Variants in SYT1 observed in about 807,000 individuals in gnomAD.
The protein encoded by SYT1 is synaptotagmin 1.
SYT1 carries 8 observed loss-of-function variants against 44.8 expected under a neutral mutation model. That is an observed-to-expected ratio of 0.18 (90% CI 0.10 to 0.32). The LOEUF (loss-of-function observed/expected upper bound fraction) is 0.32. SYT1 is among the 10% of genes least tolerant of loss of function. SYT1 has a pLI of 1.00. For missense variants in SYT1, 286 were observed against 509.3 expected (o/e 0.56, Z 4.22); for synonymous variants, 154 against 188.8 (o/e 0.82, Z 1.51).
intron 9 of SYT1, among the ~76,000 whole-genome samples, chr12:79,404,517 A>G (rs1885177286): frequency 6.6e-6 from 1 of 152,152 alleles, no homozygotes; most frequent in Non-Finnish European, 1.5e-5. Context: ...GTCTTGCTGG[A>G]TGGTCAGATC....
chr12:79,081,862 T>C (rs1877058293), intron 3 of SYT1, among the ~76,000 whole-genome samples: 1 of 152,200 alleles, frequency 6.6e-6, no homozygotes, highest in Non-Finnish European at 1.5e-5. Flanking sequence ...CAGGAGCTTC[T>C]AAGAGCACAA....
At chr12:79,229,299 C>G (rs1251220417) in intron 4 of SYT1, among the ~76,000 whole-genome samples, 7 of 152,198 alleles carry the variant, frequency 4.6e-5, no homozygotes, top group Non-Finnish European at 1.0e-4. Context: ...TTAAAGCAAA[C>G]AGTGCGGTTC....
At chr12:79,052,018 T>C (rs1013231300) in intron 3 of SYT1, among the ~76,000 whole-genome samples, 2 of 152,154 alleles carry the variant, frequency 1.3e-5, no homozygotes, top group African/African-American at 2.4e-5. Context: ...CAGGCTCTTT[T>C]TTGGTTCCAT....
chr12:79,319,853 A>G (rs1881271390), intron 8 of SYT1, among the ~76,000 whole-genome samples: 2 of 152,194 alleles, frequency 1.3e-5, no homozygotes, highest in African/African-American at 2.4e-5. Flanking sequence ...AATGTCTTCC[A>G]TCTCTTTCAT....
chr12:79,008,993 A>T (rs1229752241), intron 2 of SYT1, among the ~76,000 whole-genome samples: 1 of 152,160 alleles, frequency 6.6e-6, no homozygotes, highest in Non-Finnish European at 1.5e-5. Flanking sequence ...GCTTTGCTCT[A>T]ACCATGTTTA....
chr12:79,056,875 A>G (rs1592708368), intron 3 of SYT1, among the ~76,000 whole-genome samples: 1 of 152,018 alleles, frequency 6.6e-6, no homozygotes, highest in Middle Eastern at 3.4e-3. Flanking sequence ...AACCTCAATT[A>G]ATTATCTTCA....
At chr12:78,867,340 T>C (rs1300810438) in intron 1 of SYT1, among the ~76,000 whole-genome samples, 1 of 152,092 alleles carries the variant, frequency 6.6e-6, no homozygotes, top group African/African-American at 2.4e-5. Flanking sequence ...CAAATGTTAA[T>C]TATAGAAATA....
intron 3 of SYT1, among the ~76,000 whole-genome samples, chr12:79,169,998 T>C (rs568710440): frequency 4.6e-5 from 7 of 152,192 alleles, no homozygotes; most frequent in Non-Finnish European, 1.0e-4. Flanking sequence ...GGCCTTCAGC[T>C]CCATCCATGT....
chr12:79,011,058 C>A (rs1301456887), intron 2 of SYT1, among the ~76,000 whole-genome samples: 1 of 151,968 alleles, frequency 6.6e-6, no homozygotes, highest in African/African-American at 2.4e-5. Flanking sequence ...ACAGAATTTG[C>A]GTTCTATTTC....
At chr12:79,002,812 A>G (rs1353040524) in intron 2 of SYT1, among the ~76,000 whole-genome samples, 3 of 152,018 alleles carry the variant, frequency 2.0e-5, no homozygotes, top group Non-Finnish European at 4.4e-5. Flanking sequence ...GGAGCCCCCT[A>G]CTTTGTTTGG....
intron 8 of SYT1, among the ~76,000 whole-genome samples, chr12:79,324,269 C>A (rs1162180134): frequency 6.6e-6 from 1 of 151,984 alleles, no homozygotes; most frequent in Non-Finnish European, 1.5e-5. Context: ...TTTCAATATA[C>A]AAAAATACAA....
chr12:79,276,948 GGAA>G, intron 4 of SYT1, among the ~76,000 whole-genome samples: 1 of 148,858 alleles, frequency 6.7e-6, no homozygotes, highest in Non-Finnish European at 1.5e-5. Context: ...AGAAGAAGAA[GGAA>G]GAAGGAGGAG....
chr12:79,024,113 A>G (rs938003898), intron 2 of SYT1, among the ~76,000 whole-genome samples: 1 of 151,840 alleles, frequency 6.6e-6, no homozygotes, highest in Non-Finnish European at 1.5e-5. Context: ...AAGGGCAAAC[A>G]GATGGAAATG....
intron 2 of SYT1, among the ~76,000 whole-genome samples, chr12:79,032,631 G>A (rs1006968164): frequency 6.6e-6 from 1 of 151,232 alleles, no homozygotes; most frequent in Admixed American, 6.6e-5. Flanking sequence ...GACATTTTAG[G>A]TCATGTTACA....
rs191236283 is a variant in SYT1 at position 79,218,842 on chromosome 12, T to C, written c.166+1157T>C. On this transcript the variant is annotated intron_variant, in intron 4 of 10. Coordinates refer to ENST00000261205, the MANE Select transcript of SYT1 (RefSeq NM_005639.3). ...ACAAACATGGGAGTGCAGATATCTGTTTGTCATATTGATTTCATTTCTTTG... is the reference window on the plus strand; with the variant it reads ...ACAAACATGGGAGTGCAGATATCTGCTTGTCATATTGATTTCATTTCTTTG... Among the ~76,000 whole-genome samples, 620 of 152,290 alleles carry C rather than the reference T, an allele frequency of 4.1e-3. 3 individuals are homozygous for C. The highest frequency in any genetic ancestry group is 0.014 in the African/African-American group (584 of 41,568).
intron 2 of SYT1, among the ~76,000 whole-genome samples, chr12:78,981,125 GT>G (rs1171068435): frequency 0.073 from 8,975 of 122,636 alleles, 687 homozygotes; most frequent in African/African-American, 0.25. Context: ...TTGTTTCTTT[GT>G]TTTTTTTTTT....
intron 2 of SYT1, among the ~76,000 whole-genome samples, chr12:79,026,216 G>T (rs1872519849): frequency 6.6e-6 from 1 of 151,568 alleles, no homozygotes; most frequent in African/African-American, 2.4e-5. Flanking sequence ...TTTAAAGGAA[G>T]AAGAACTTTA....
At chr12:79,091,324 T>C (rs1337726498) in intron 3 of SYT1, among the ~76,000 whole-genome samples, 4 of 152,012 alleles carry the variant, frequency 2.6e-5, no homozygotes, top group Non-Finnish European at 5.9e-5. Flanking sequence ...GAAGTGGTGT[T>C]GCAGGGTTCC....
intron 9 of SYT1, among the ~76,000 whole-genome samples, chr12:79,360,763 A>T (rs973601074): frequency 4.6e-5 from 7 of 152,222 alleles, no homozygotes; most frequent in Admixed American, 2.0e-4. Context: ...AAAATGCTTA[A>T]TTACAATATT....
Sources: allele counts gnomAD v4.1 joint callset (sites outside exome capture counted in the v4.1 genomes callset), GRCh38; gene constraint gnomAD v4.1.1; transcripts MANE v1.5; gene names NCBI Gene and HGNC (gene_info 2026-07-23, HGNC 2026-07-21).